TRDN: variants seen among roughly 807,000 people sequenced by gnomAD.
TRDN encodes triadin in skeletal muscle.
A neutral mutation model predicts 149.7 loss-of-function variants in TRDN; 161 were observed. The observed-to-expected ratio is 1.08, with a 90% confidence interval of 0.95 to 1.23. The LOEUF is 1.23. Ranked by LOEUF, TRDN falls within the 50% of genes most tolerant of loss-of-function variation. TRDN has a pLI of 0.00. For missense variants in TRDN, 896 were observed against 823.5 expected (o/e 1.09, Z -1.08); for synonymous variants, 294 against 250.5 (o/e 1.17, Z -1.64).
intron 13 of TRDN, among the ~76,000 whole-genome samples, chr6:123,390,598 T>C (rs1293789521): frequency 6.6e-6 from 1 of 152,130 alleles, no homozygotes; most frequent in Non-Finnish European, 1.5e-5. Context: ...CCATGTTATC[T>C]ACCAAGCTGG....
At chr6:123,404,573 C>T (rs971172675) in intron 12 of TRDN, among the ~76,000 whole-genome samples, 1 of 152,038 alleles carries the variant, frequency 6.6e-6, no homozygotes, top group Non-Finnish European at 1.5e-5. Context: ...CTCAGCCTCC[C>T]AAGTAGCTGG....
At chr6:123,569,039 T>A (rs897823300) in intron 2 of TRDN, among the ~76,000 whole-genome samples, 2 of 152,192 alleles carry the variant, frequency 1.3e-5, no homozygotes, top group Admixed American at 1.3e-4. Flanking sequence ...CTTTAAGTCA[T>A]TTTTTTGTTC....
At chr6:123,305,782 T>A (rs1778586358) in intron 24 of TRDN, among the ~76,000 whole-genome samples, 1 of 152,152 alleles carries the variant, frequency 6.6e-6, no homozygotes, top group South Asian at 2.1e-4. Flanking sequence ...ACTTGACATA[T>A]CTTGACCTAA....
At chr6:123,225,829 T>C (rs1775337494) in intron 38 of TRDN, among the ~76,000 whole-genome samples, 1 of 151,808 alleles carries the variant, frequency 6.6e-6, no homozygotes, top group Non-Finnish European at 1.5e-5. Context: ...TGGAATAATG[T>C]GGAAGTAATT....
intron 2 of TRDN, among the ~76,000 whole-genome samples, chr6:123,568,420 G>A (rs1340104396): frequency 6.6e-6 from 1 of 152,346 alleles, no homozygotes; most frequent in East Asian, 1.9e-4. Flanking sequence ...ATCTGTGTGG[G>A]TGGGTCCTCC....
intron 2 of TRDN, among the ~76,000 whole-genome samples, chr6:123,560,052 T>A (rs895464398): frequency 6.6e-6 from 1 of 152,214 alleles, no homozygotes; most frequent in East Asian, 1.9e-4. Context: ...GAGCCAGGAC[T>A]GCACCCTGTA....
At chr6:123,636,107 A>T (rs917165069) in intron 1 of TRDN, among the ~76,000 whole-genome samples, 6 of 152,116 alleles carry the variant, frequency 3.9e-5, no homozygotes, top group Non-Finnish European at 7.4e-5. Flanking sequence ...GCTTTATTTT[A>T]AAAATCATAC....
intron 10 of TRDN, 178 bp downstream of exon 10, chr6:123,464,728 T>G (rs1776686551): frequency 7.2e-7 from 1 of 1,391,696 alleles, no homozygotes; most frequent in South Asian, 1.7e-5. Context: ...AGGGGACATT[T>G]TTGGTTTTCT....
chr6:123,464,398 G>T (rs1471521792), intron 10 of TRDN: 2 of 959,752 alleles, frequency 2.1e-6, no homozygotes, highest in Non-Finnish European at 2.5e-6. Flanking sequence ...GAGTGTGTGT[G>T]TATATATATA....
chr6:123,381,463 A>C, intron 15 of TRDN, 73 bp from the exon 16 acceptor site: 1 of 1,411,268 alleles, frequency 7.1e-7, no homozygotes, highest in Non-Finnish European at 9.6e-7. Flanking sequence ...CATATTGATT[A>C]GACTGTAATT....
At chr6:123,497,367 C>A in intron 8 of TRDN, 115 bp from the exon 9 acceptor site, 1 of 617,400 alleles carries the variant, frequency 1.6e-6, no homozygotes, top group Non-Finnish European at 2.5e-6. Flanking sequence ...TTGGTTACTA[C>A]AATATTTTCT....
In TRDN at chr6:123,271,100, T is replaced by G. The variant is rs777523112; in HGVS notation, c.1720+39A>C. On this transcript the variant is annotated intron_variant, in intron 30 of 40. Coordinates refer to ENST00000334268, the MANE Select transcript of TRDN (RefSeq NM_006073.4). ...ACATATGAGTGCACCACATAACATA[T>G]AATGAGACATAGAAAAAAATATAAA... The G allele has an allele frequency of 7.5e-6, 10 of 1,327,570 alleles. No individual in the cohort carries two copies. The South Asian group carries it at 1.4e-4, about 18-fold the overall frequency. 82.2% of individuals were successfully genotyped at this position (1,327,570 alleles called of 1,614,324 possible). A position where few individuals can be genotyped will look rare whatever the true frequency, so the allele number is the denominator to read the frequency against.
intron 23 of TRDN, among the ~76,000 whole-genome samples, chr6:123,324,916 G>A (rs1306819034): frequency 6.6e-6 from 1 of 152,096 alleles, no homozygotes; most frequent in African/African-American, 2.4e-5. Flanking sequence ...TAAAGTGAAA[G>A]TGCTACTGTT....
intron 9 of TRDN, among the ~76,000 whole-genome samples, chr6:123,472,924 C>T (rs1243517273): frequency 1.3e-5 from 2 of 152,160 alleles, no homozygotes; most frequent in Non-Finnish European, 2.9e-5. Context: ...AAAGGACATC[C>T]ACACCAAAAA....
chr6:123,553,292 C>T (rs967167704), intron 2 of TRDN, among the ~76,000 whole-genome samples: 1 of 152,090 alleles, frequency 6.6e-6, no homozygotes, highest in African/African-American at 2.4e-5. Context: ...ACTCTGACTG[C>T]ATAGCGCTCA....
At chr6:123,220,227 A>G (rs533301116) in intron 40 of TRDN, among the ~76,000 whole-genome samples, 36 of 152,042 alleles carry the variant, frequency 2.4e-4, no homozygotes, top group Middle Eastern at 3.4e-3. Context: ...GAGTTAATAC[A>G]GAAAGATACC....
intron 12 of TRDN, among the ~76,000 whole-genome samples, chr6:123,423,255 G>T (rs1223903175): frequency 6.6e-6 from 1 of 151,964 alleles, no homozygotes; most frequent in Non-Finnish European, 1.5e-5. Flanking sequence ...ACCAATGAAA[G>T]TTACCCCTGC....
intron 21 of TRDN, chr6:123,351,860 C>T (rs1334146055): frequency 1.0e-6 from 1 of 984,420 alleles, no homozygotes; most frequent in Non-Finnish European, 1.2e-6. Context: ...ATTATTAGCA[C>T]ACTTGAGCTC....
chr6:123,377,677 C>T (rs1243005453), intron 18 of TRDN, 39 bp downstream of exon 18: 1 of 1,611,824 alleles, frequency 6.2e-7, no homozygotes, highest in Non-Finnish European at 8.5e-7. Flanking sequence ...AAACACTGGA[C>T]ATGAGTATTC....
Sources: gnomAD v4.1 joint callset for allele counts (sites outside exome capture counted in the v4.1 genomes callset) on GRCh38, gnomAD v4.1.1 for gene constraint, MANE v1.5 for transcripts, NCBI Gene and HGNC (gene_info 2026-07-23, HGNC 2026-07-21) for gene names.